GTPBP10: variants seen among roughly 807,000 people sequenced by gnomAD.
The protein encoded by GTPBP10 is GTP binding protein 10.
In GTPBP10, 38 loss-of-function variants were observed where a neutral mutation model predicts 44.8. The ratio of observed to expected loss-of-function variants is 0.85; its 90% CI spans 0.65 to 1.11. The LOEUF (loss-of-function observed/expected upper bound fraction) is 1.11. GTPBP10 is among the 50% of genes most tolerant of loss of function. The pLI, the probability that GTPBP10 is intolerant of heterozygous loss-of-function variation, is 0.00. For synonymous variants in GTPBP10, 152 were observed against 150.6 expected (o/e 1.01, Z -0.07); for missense variants, 462 against 453.7 (o/e 1.02, Z -0.17).
At chr7:90,369,510 A>G (rs888489500) in intron 4 of GTPBP10, among the ~76,000 whole-genome samples, 5 of 152,314 alleles carry the variant, frequency 3.3e-5, no homozygotes, top group Middle Eastern at 6.8e-3. Context: ...CGCCTCCTCA[A>G]GCCTCAGCAA....
rs1796544175 is a variant in GTPBP10 at position 90,387,471 on chromosome 7, A to T, written c.*2317A>T. On this transcript the variant is annotated 3_prime_UTR_variant, in exon 10 of 10. Transcript: ENST00000222511. ...CCCTTTGGTAAAGTATTAAAGAAAA[A>T]TAATGCATTGTTCTCAGCTTAAATT... The T allele has an allele frequency of 6.6e-6, 1 of 152,234 alleles. No homozygotes were observed. The highest frequency in any genetic ancestry group is 2.4e-5 in the African/African-American group (1 of 41,460). 9.4% of individuals were successfully genotyped at this position (152,234 alleles called of 1,614,324 possible). A position where few individuals can be genotyped will look rare whatever the true frequency, so the allele number is the denominator to read the frequency against.
chr7:90,356,099 A>G (rs1406333827), intron 4 of GTPBP10, among the ~76,000 whole-genome samples: 4 of 151,940 alleles, frequency 2.6e-5, no homozygotes, highest in East Asian at 1.9e-4. Context: ...TTGCTTCCCC[A>G]TAGCTTCTTT....
At chr7:90,346,829 C>T (rs374631327) in intron 1 of GTPBP10, 55 bp downstream of exon 1, 1 of 1,346,916 alleles carries the variant, frequency 7.4e-7, no homozygotes, top group Non-Finnish European at 1.0e-6. Flanking sequence ...TCTGGTTCTT[C>T]TTTGCTCCCC....
rs1348698908 is a variant in GTPBP10 at position 90,386,362 on chromosome 7, T to A, written c.*1208T>A. On this transcript the variant is annotated 3_prime_UTR_variant, in exon 10 of 10. Coordinates refer to ENST00000222511, the MANE Select transcript of GTPBP10 (RefSeq NM_033107.4). ...ATGACAGAAACTAGAAGATAGCTGT[T>A]TATGATTTGAGCTTTTGGAAAATTT... 6.6e-6 allele frequency: 1 copy of A among 152,210 alleles called. No individual in the cohort carries two copies. Among genetic ancestry groups the A allele is most frequent in the Non-Finnish European group, 1.5e-5 (1 of 68,034 alleles). 9.4% of individuals were successfully genotyped at this position (152,210 alleles called of 1,614,324 possible).
chr7:90,372,921 A>G (rs970268332), intron 5 of GTPBP10, among the ~76,000 whole-genome samples: 19 of 152,186 alleles, frequency 1.2e-4, no homozygotes, highest in African/African-American at 4.6e-4. Flanking sequence ...AGGCGTACAT[A>G]TCACTAATAA....
chr7:90,353,937 C>T (rs1437585909), intron 2 of GTPBP10, among the ~76,000 whole-genome samples: 1 of 151,920 alleles, frequency 6.6e-6, no homozygotes, highest in African/African-American at 2.4e-5. Flanking sequence ...AGTGATCCTC[C>T]CACCTCTGCC....
chr7:90,348,629 A>AG (rs1036968864), intron 1 of GTPBP10, among the ~76,000 whole-genome samples: 1 of 111,778 alleles, frequency 8.9e-6, no homozygotes, highest in Non-Finnish European at 1.8e-5. Flanking sequence ...CAGAGGCAGA[A>AG]GGGGTGGGGG....
intron 4 of GTPBP10, among the ~76,000 whole-genome samples, chr7:90,361,707 A>G (rs1481708628): frequency 6.6e-6 from 1 of 152,202 alleles, no homozygotes; most frequent in East Asian, 1.9e-4. Context: ...AAGGAATGGT[A>G]CCAGCTCCTC....
intron 4 of GTPBP10, 23 bp from the exon 5 acceptor site, chr7:90,372,132 A>G: frequency 6.9e-7 from 1 of 1,449,646 alleles, no homozygotes; most frequent in Non-Finnish European, 9.6e-7. Context: ...ACATTTGTGT[A>G]TAATTTTATA....
intron 9 of GTPBP10, 87 bp from the exon 10 acceptor site, chr7:90,384,805 C>A: frequency 7.4e-7 from 1 of 1,347,164 alleles, no homozygotes; most frequent in South Asian, 1.5e-5. Flanking sequence ...GTGTTGGTTC[C>A]CTGCTTCACA....
intron 8 of GTPBP10, among the ~76,000 whole-genome samples, chr7:90,382,391 T>G (rs975587867): frequency 7.2e-5 from 11 of 152,174 alleles, no homozygotes; most frequent in Non-Finnish European, 1.3e-4. Flanking sequence ...GTGCTGAGAT[T>G]ACAGGCATGA....
At chr7:90,369,319 C>G (rs1209236433) in intron 4 of GTPBP10, among the ~76,000 whole-genome samples, 2 of 152,180 alleles carry the variant, frequency 1.3e-5, no homozygotes, top group Admixed American at 1.3e-4. Context: ...GAGAACGACT[C>G]TCTCTTCAGA....
intron 4 of GTPBP10, among the ~76,000 whole-genome samples, chr7:90,356,735 T>C (rs1473399912): frequency 6.6e-6 from 1 of 152,246 alleles, no homozygotes; most frequent in Non-Finnish European, 1.5e-5. Context: ...GATAAGTCTT[T>C]CCTTAAAATG....
At chr7:90,347,436 A>G (rs534069966) in intron 1 of GTPBP10, 2 of 165,124 alleles carry the variant, frequency 1.2e-5, no homozygotes, top group Non-Finnish European at 2.5e-5. Flanking sequence ...AAAGTGTTAC[A>G]TATTTAATGG....
intron 4 of GTPBP10, among the ~76,000 whole-genome samples, chr7:90,362,814 C>T (rs1036184090): frequency 1.6e-4 from 24 of 152,152 alleles, no homozygotes; most frequent in African/African-American, 5.6e-4. Flanking sequence ...AATCTGGTTG[C>T]TCCTGTATTG....
At chr7:90,367,599 C>T (rs1796160526) in intron 4 of GTPBP10, among the ~76,000 whole-genome samples, 1 of 152,170 alleles carries the variant, frequency 6.6e-6, no homozygotes, top group Non-Finnish European at 1.5e-5. Flanking sequence ...ACTAGGATTG[C>T]AACCCCTGCC....
chr7:90,350,589 G>C (rs1795772503), intron 1 of GTPBP10, among the ~76,000 whole-genome samples: 2 of 151,992 alleles, frequency 1.3e-5, no homozygotes, highest in African/African-American at 4.8e-5. Flanking sequence ...TTGTCATATG[G>C]TAACCTTACT....
At position 90,374,103 on chromosome 7, in the gene GTPBP10, A is replaced by C. The variant is rs6970718; in HGVS notation, c.539-199A>C. ...TCCTCCTGCCTTGGCTTCCCAAAGCATTGGGATTACAGACATGAGCCACAA... is the reference window on the plus strand; with the variant it reads ...TCCTCCTGCCTTGGCTTCCCAAAGCCTTGGGATTACAGACATGAGCCACAA... On this transcript the variant is annotated intron_variant, in intron 5 of 9. Coordinates refer to ENST00000222511, the MANE Select transcript of GTPBP10 (RefSeq NM_033107.4). 2.1e-3 allele frequency among the ~76,000 whole-genome samples: 323 copies of C among 152,326 alleles called. 2 individuals are homozygous for C. The highest frequency in any genetic ancestry group is 7.2e-3 in the African/African-American group (301 of 41,570).
intron 6 of GTPBP10, among the ~76,000 whole-genome samples, chr7:90,376,400 C>T (rs893523710): frequency 1.3e-5 from 2 of 152,142 alleles, no homozygotes; most frequent in Non-Finnish European, 2.9e-5. Flanking sequence ...AGAGCCACAA[C>T]TACAACTTGG....
Sources: gnomAD v4.1 joint callset for allele counts (sites outside exome capture counted in the v4.1 genomes callset) on GRCh38, gnomAD v4.1.1 for gene constraint, MANE v1.5 for transcripts, NCBI Gene and HGNC (gene_info 2026-07-23, HGNC 2026-07-21) for gene names.